The following TMEM245 variants were observed in gnomAD, a reference collection of about 807,000 sequenced individuals.
TMEM245 encodes protein CG-2.
A neutral mutation model predicts 101.2 loss-of-function variants in TMEM245; 69 were observed. That is an observed-to-expected ratio of 0.68 (90% CI 0.56 to 0.83). The LOEUF (loss-of-function observed/expected upper bound fraction) is 0.83, where lower values mean the gene tolerates loss of function less well. Among genes scored for constraint, TMEM245 ranks in the 40% least tolerant of loss-of-function variants. TMEM245 has a pLI of 0.00. For missense variants in TMEM245, 1,075 were observed against 1,092.8 expected, an observed-to-expected ratio of 0.98 and a Z score of 0.23; for synonymous variants, 537 against 449.8, an observed-to-expected ratio of 1.19 and a Z score of -2.45.
intron 12 of TMEM245, among the ~76,000 whole-genome samples, chr9:109,050,936 TATAAC>T (rs1349154336): frequency 6.6e-6 from 1 of 151,870 alleles, no homozygotes; most frequent in Non-Finnish European, 1.5e-5. Context: ...ACATCACTGT[TATAAC>T]ATGGGAAAAT....
Position 109,119,885 on chromosome 9 carries a change from G to A in TMEM245, c.29C>T (p.Ala10Val), listed in dbSNP as rs779860318. 7 of 1,300,226 alleles carry A rather than the reference G, an allele frequency of 5.4e-6. No homozygotes were observed. The South Asian group carries it at 1.0e-4, about 19-fold the overall frequency. 80.5% of individuals were successfully genotyped at this position (1,300,226 alleles called of 1,614,324 possible). Residue 10 changes from alanine to valine, a missense_variant, in exon 1 of 18, where the codon GCG becomes GTG. This residue lies in a region of TMEM245 where 808 missense variants were observed against 741.5 expected (regional missense o/e 1.09). Transcript: ENST00000374586. MADGGGPKD[A>V]PSLRSSPGPA... ...CCCGGGAGAGCTCCGCAGGCTTGGC[G>A]CGTCCTTAGGGCCGCCGCCGTCGGC...
chr9:109,040,047 C>T (rs1828256503), intron 14 of TMEM245, among the ~76,000 whole-genome samples: 1 of 152,144 alleles, frequency 6.6e-6, no homozygotes, highest in Non-Finnish European at 1.5e-5. Context: ...CAGTAAGGAC[C>T]ACGTGGAGAA....
rs966965362 is a variant in TMEM245, at chr9:109,016,133, G to A, written c.*4327C>T. On this transcript the variant is annotated 3_prime_UTR_variant, in exon 18 of 18. Coordinates refer to ENST00000374586, the MANE Select transcript of TMEM245 (RefSeq NM_032012.4). ...ACCCTGTAGTCCTTTGAGATGCTCT[G>A]AGGAATAAAGAAGGGGAGTGCAGTC... 6.6e-6 allele frequency: 1 copy of A among 152,634 alleles called. No homozygotes were observed. The highest frequency in any genetic ancestry group is 2.4e-5 in the African/African-American group (1 of 41,448). The allele number at this position is 152,634 out of a possible 1,614,324, so 9.5% of individuals were successfully genotyped here. A position where few individuals can be genotyped will look rare whatever the true frequency, so the allele number is the denominator to read the frequency against.
rs781150309 is a variant in TMEM245, at chr9:109,108,440, AGAAG to A, written c.697+9_697+12del. On this transcript the variant is annotated intron_variant, in intron 2 of 17. Transcript: ENST00000374586. ...AGACTTAAAAAAAAAAAAAAAAAAA[AGAAG>A]GAACCCACCTAAATGAAAAAGCAAT... 11 of 1,384,596 alleles carry A rather than the reference AGAAG, an allele frequency of 7.9e-6. No homozygotes were observed. In the Admixed American group the frequency reaches 8.0e-5, roughly 10 times the overall value. 85.8% of individuals were successfully genotyped at this position (1,384,596 alleles called of 1,614,324 possible).
chr9:109,101,773 G>T (rs1303089739), intron 3 of TMEM245, among the ~76,000 whole-genome samples: 1 of 152,098 alleles, frequency 6.6e-6, no homozygotes, highest in Non-Finnish European at 1.5e-5. Flanking sequence ...TTGCATATCA[G>T]CACATCACTA....
At chr9:109,041,712 A>G (rs1230808923) in intron 14 of TMEM245, among the ~76,000 whole-genome samples, 1 of 152,020 alleles carries the variant, frequency 6.6e-6, no homozygotes, top group Admixed American at 6.5e-5. Flanking sequence ...AACTGCTAAG[A>G]GTACCTCTTA....
At chr9:109,095,394 AG>A (rs1239144316) in intron 3 of TMEM245, among the ~76,000 whole-genome samples, 9 of 152,230 alleles carry the variant, frequency 5.9e-5, no homozygotes, top group Non-Finnish European at 1.0e-4. Context: ...TGCTATAAAA[AG>A]AAATGCTGGG....
chr9:109,066,066 G>A (rs1438945108), intron 9 of TMEM245, among the ~76,000 whole-genome samples: 1 of 152,200 alleles, frequency 6.6e-6, no homozygotes, highest in African/African-American at 2.4e-5. Flanking sequence ...TATTAAACCA[G>A]TAGTGGGTTG....
At position 109,049,507 on chromosome 9, in the gene TMEM245, C is replaced by T. The variant is rs1005120773; in HGVS notation, c.2123+776G>A. ...GGGATTACAGGTGTGAGCCACCGCG[C>T]CCAGTCTGTTTTTTTGTTTTTTAAG... On this transcript the variant is annotated intron_variant, in intron 14 of 17. Coordinates refer to ENST00000374586, the MANE Select transcript of TMEM245 (RefSeq NM_032012.4). 1.9e-4 allele frequency among the ~76,000 whole-genome samples: 29 copies of T among 152,154 alleles called. 1 individual carries two copies. Among genetic ancestry groups the T allele is most frequent in the Non-Finnish European group, 1.0e-4 (7 of 68,028 alleles).
intron 5 of TMEM245, among the ~76,000 whole-genome samples, chr9:109,089,058 T>C (rs1179567897): frequency 6.6e-6 from 1 of 151,566 alleles, no homozygotes; most frequent in African/African-American, 2.4e-5. Flanking sequence ...TGAGGTTTGC[T>C]TGAGTCCAGG....
Position 109,058,738 on chromosome 9 carries a change from C to T in TMEM245, c.1723-1416G>A, listed in dbSNP as rs754003127. On this transcript the variant is annotated intron_variant, in intron 11 of 17. Coordinates refer to ENST00000374586, the MANE Select transcript of TMEM245 (RefSeq NM_032012.4). ...AGTGATCCTCCCGCCTCAGTCTCCC[C>T]GAGTAGCTAGGACTACAGGCGCACA... 2.0e-5 allele frequency among the ~76,000 whole-genome samples: 3 copies of T among 152,066 alleles called. No homozygotes were observed. In the South Asian group the frequency reaches 6.2e-4, roughly 32 times the overall value.
chr9:109,080,804 G>T (rs778504423), intron 8 of TMEM245, 35 bp downstream of exon 8: 34 of 1,295,154 alleles, frequency 2.6e-5, no homozygotes, highest in Admixed American at 4.0e-5. Flanking sequence ...ACAATTAAGG[G>T]TTTATTAATG....
At chr9:109,109,235 G>C (rs13284808) in intron 1 of TMEM245, among the ~76,000 whole-genome samples, 17,029 of 152,046 alleles carry the variant, frequency 0.11, 1,022 homozygotes, top group African/African-American at 0.14. Flanking sequence ...ACCCTCTTCA[G>C]TTCTTCCTAC....
At chr9:109,091,746 C>T (rs996072383) in intron 4 of TMEM245, among the ~76,000 whole-genome samples, 1 of 152,144 alleles carries the variant, frequency 6.6e-6, no homozygotes, top group African/African-American at 2.4e-5. Flanking sequence ...TCACATAAGA[C>T]ACTGTTTTCT....
At chr9:109,086,194 T>G (rs1361397089) in intron 6 of TMEM245, among the ~76,000 whole-genome samples, 174 bp from the exon 7 acceptor site, 1 of 152,222 alleles carries the variant, frequency 6.6e-6, no homozygotes, top group African/African-American at 2.4e-5. Context: ...ATCAACGGAA[T>G]GTAGTATTCC....
At chr9:109,030,021 T>C (rs1025709431) in intron 17 of TMEM245, among the ~76,000 whole-genome samples, 2 of 152,340 alleles carry the variant, frequency 1.3e-5, no homozygotes, top group African/African-American at 4.8e-5. Context: ...GTCATAATAA[T>C]GTAAAACCTG....
intron 17 of TMEM245, among the ~76,000 whole-genome samples, chr9:109,025,930 G>A (rs1827778129): frequency 6.6e-6 from 1 of 152,146 alleles, no homozygotes; most frequent in African/African-American, 2.4e-5. Flanking sequence ...CTTTCCTTAG[G>A]GAGAATGGGC....
chr9:109,108,718 T>C (rs1830494334), intron 1 of TMEM245, 148 bp from the exon 2 acceptor site: 1 of 506,436 alleles, frequency 2.0e-6, no homozygotes, highest in Admixed American at 3.3e-5. Context: ...GAAACGTACC[T>C]AGGTTCTCCT....
intron 9 of TMEM245, among the ~76,000 whole-genome samples, chr9:109,072,360 A>G (rs1829359728): frequency 6.6e-6 from 1 of 152,174 alleles, no homozygotes; most frequent in African/African-American, 2.4e-5. Context: ...CACAAAGGAG[A>G]TTGATTTAAA....
Sources: allele counts gnomAD v4.1 joint callset (sites outside exome capture counted in the v4.1 genomes callset), GRCh38; gene constraint gnomAD v4.1.1; regional missense constraint gnomAD v4.1.1; transcripts MANE v1.5; gene names NCBI Gene and HGNC (gene_info 2026-07-23, HGNC 2026-07-21).